Variants in PXDNL observed in about 807,000 individuals in gnomAD.
PXDNL encodes peroxidasin like, also known as probable oxidoreductase PXDNL.
PXDNL carries 145 observed loss-of-function variants against 150.8 expected under a neutral mutation model. The ratio of observed to expected loss-of-function variants is 0.96; its 90% CI spans 0.84 to 1.10. The LOEUF is 1.10. Ranked by LOEUF, PXDNL falls within the 50% of genes least tolerant of loss-of-function variation. The pLI, the probability that PXDNL is intolerant of heterozygous loss-of-function variation, is 0.00. For missense variants in PXDNL, 2,087 were observed against 1,873.9 expected (o/e 1.11, Z -2.10); for synonymous variants, 757 against 725.7 (o/e 1.04, Z -0.69).
intron 21 of PXDNL, among the ~76,000 whole-genome samples, chr8:51,327,879 G>C (rs983173570): frequency 6.6e-6 from 1 of 151,996 alleles, no homozygotes; most frequent in Non-Finnish European, 1.5e-5. Flanking sequence ...AATCTGAAGA[G>C]ACAGGAGGAT....
In PXDNL at chr8:51,747,967, G is replaced by A. The variant is rs148915622; in HGVS notation, c.164+61214C>T. Among the ~76,000 whole-genome samples, 21 of 152,290 alleles carry A rather than the reference G, an allele frequency of 1.4e-4. No individual in the cohort carries two copies. The East Asian group carries it at 3.5e-3, about 25-fold the overall frequency. ...AAGGGTTAGTTATCCTCCCTGGGTCGCAGTTTCCTCTTGTATACATAGCAG... is the reference window on the plus strand; with the variant it reads ...AAGGGTTAGTTATCCTCCCTGGGTCACAGTTTCCTCTTGTATACATAGCAG... On this transcript the variant is annotated intron_variant, in intron 1 of 22. Coordinates refer to ENST00000356297, the MANE Select transcript of PXDNL (RefSeq NM_144651.5).
chr8:51,583,011 T>A (rs1407286469), intron 3 of PXDNL, among the ~76,000 whole-genome samples: 2 of 152,200 alleles, frequency 1.3e-5, no homozygotes, highest in East Asian at 3.9e-4. Flanking sequence ...AGCACTAAAA[T>A]CTGAAAAATA....
chr8:51,638,212 G>A (rs1814650705), intron 2 of PXDNL, among the ~76,000 whole-genome samples: 2 of 152,282 alleles, frequency 1.3e-5, no homozygotes, highest in South Asian at 4.1e-4. Context: ...ACTAAACATG[G>A]AAAGGAACAA....
chr8:51,492,139 G>T (rs970180001), intron 5 of PXDNL, among the ~76,000 whole-genome samples: 1 of 152,110 alleles, frequency 6.6e-6, no homozygotes, highest in South Asian at 2.1e-4. Context: ...AATTTATTTT[G>T]TATATTAATT....
At chr8:51,625,770 C>T (rs571671237) in intron 2 of PXDNL, among the ~76,000 whole-genome samples, 2 of 152,284 alleles carry the variant, frequency 1.3e-5, no homozygotes, top group Admixed American at 6.5e-5. Context: ...TGATGATTTC[C>T]TGGCTAATGC....
At chr8:51,714,863 G>A (rs1490260525) in intron 1 of PXDNL, among the ~76,000 whole-genome samples, 3 of 152,020 alleles carry the variant, frequency 2.0e-5, no homozygotes, top group African/African-American at 2.4e-5. Flanking sequence ...CTTTTTTCAA[G>A]GAAACAGAGA....
At chr8:51,805,988 T>C (rs1430214174) in intron 1 of PXDNL, among the ~76,000 whole-genome samples, 1 of 152,208 alleles carries the variant, frequency 6.6e-6, no homozygotes, top group Non-Finnish European at 1.5e-5. Flanking sequence ...TTCTGAAAGA[T>C]TTGTTTTACT....
intron 1 of PXDNL, among the ~76,000 whole-genome samples, chr8:51,772,875 C>T (rs549788409): frequency 6.6e-6 from 1 of 152,174 alleles, no homozygotes; most frequent in Admixed American, 6.5e-5. Flanking sequence ...AATTGAGGGG[C>T]ACTGACCCCA....
At chr8:51,608,054 A>AAAGAAAGAAAGAAAGAAAGAAAGC (rs1554557536) in intron 2 of PXDNL, among the ~76,000 whole-genome samples, 19 of 111,692 alleles carry the variant, frequency 1.7e-4, no homozygotes, top group South Asian at 5.5e-4. Context: ...AGAAAGAAAG[A>AAAGAAAGAAAGAAAGAAAGAAAGC]AAGCAAGCAA....
At chr8:51,339,035 C>A (rs535344854) in intron 21 of PXDNL, among the ~76,000 whole-genome samples, 10 of 152,308 alleles carry the variant, frequency 6.6e-5, no homozygotes, top group African/African-American at 2.2e-4. Context: ...CAGTTGGAAG[C>A]AGCAAGCAGA....
At chr8:51,700,258 AACAC>A (rs71237230) in intron 1 of PXDNL, among the ~76,000 whole-genome samples, 11,928 of 150,530 alleles carry the variant, frequency 0.079, 680 homozygotes, top group African/African-American at 0.17. Context: ...TATACACTCA[AACAC>A]ACACACACAC....
At chr8:51,593,437 T>A (rs1169695834) in intron 2 of PXDNL, among the ~76,000 whole-genome samples, 1 of 152,210 alleles carries the variant, frequency 6.6e-6, no homozygotes, top group Non-Finnish European at 1.5e-5. Flanking sequence ...AGTCTGCTAA[T>A]TAGATTGGCA....
chr8:51,438,390 A>G (rs975833411), intron 12 of PXDNL, among the ~76,000 whole-genome samples: 1 of 152,238 alleles, frequency 6.6e-6, no homozygotes, highest in African/African-American at 2.4e-5. Flanking sequence ...ATCTAGAGGC[A>G]TCTCATTACC....
rs1232016057 is a variant in PXDNL at position 51,455,135 on chromosome 8, AGGT to A, written c.983-1353_983-1351del. Among the ~76,000 whole-genome samples the A allele has an allele frequency of 3.4e-4, 48 of 142,792 alleles. 3 individuals carry two copies. Among genetic ancestry groups the A allele is most frequent in the African/African-American group, 9.3e-4 (37 of 39,978 alleles). The allele number at this position is 142,792 out of a possible 152,430, so 93.7% of individuals were successfully genotyped here. On this transcript the variant is annotated intron_variant, in intron 9 of 22. Transcript: ENST00000356297. The stretch of plus-strand genomic sequence containing the variant: ...CGTCTCAAAAAAAAAAAAAAAAAAG[AGGT>A]AAGGGAAAGTATAGGGAAAGTTATT...
intron 19 of PXDNL, among the ~76,000 whole-genome samples, chr8:51,346,772 A>G (rs966732540): frequency 6.6e-6 from 1 of 152,170 alleles, no homozygotes; most frequent in Non-Finnish European, 1.5e-5. Flanking sequence ...TGCCTTGGCC[A>G]TGAGTGAAAG....
chr8:51,403,432 C>G (rs1808329875), intron 17 of PXDNL, among the ~76,000 whole-genome samples: 1 of 152,158 alleles, frequency 6.6e-6, no homozygotes, highest in East Asian at 1.9e-4. Flanking sequence ...GTCCTCCCCT[C>G]TAAGGGGCAG....
At chr8:51,571,104 A>G (rs1432613993) in intron 3 of PXDNL, among the ~76,000 whole-genome samples, 3 of 151,840 alleles carry the variant, frequency 2.0e-5, no homozygotes, top group East Asian at 1.9e-4. Context: ...TTTGAAAAAA[A>G]AAATTGTCAG....
chr8:51,338,669 G>A (rs1333698181), intron 21 of PXDNL, among the ~76,000 whole-genome samples: 3 of 152,190 alleles, frequency 2.0e-5, no homozygotes. Context: ...TTGGCACCAT[G>A]CCTTGAAAGA....
intron 17 of PXDNL, among the ~76,000 whole-genome samples, chr8:51,385,864 G>A (rs1390527453): frequency 1.3e-5 from 2 of 152,174 alleles, no homozygotes; most frequent in African/African-American, 2.4e-5. Flanking sequence ...CACCAGGTAA[G>A]ACATGCCTTT....
Sources: gnomAD v4.1 joint callset for allele counts (sites outside exome capture counted in the v4.1 genomes callset) on GRCh38, gnomAD v4.1.1 for gene constraint, MANE v1.5 for transcripts, NCBI Gene and HGNC (gene_info 2026-07-23, HGNC 2026-07-21) for gene names.